Variants in RNF130 observed in about 807,000 individuals in gnomAD.
The protein encoded by RNF130 is ring finger protein 130.
A neutral mutation model predicts 44.6 loss-of-function variants in RNF130; 21 were observed. That is an observed-to-expected ratio of 0.47 (90% CI 0.33 to 0.68). The LOEUF (loss-of-function observed/expected upper bound fraction) is 0.68, where lower values mean the gene tolerates loss of function less well. RNF130 is among the 30% of genes least tolerant of loss of function. The probability of loss-of-function intolerance (pLI) is 0.02; values close to 1 mark genes in which losing one functional copy is unlikely to be tolerated. For synonymous variants in RNF130, 214 were observed against 210.4 expected, an observed-to-expected ratio of 1.02 and a Z score of -0.15; for missense variants, 479 against 560.6, an observed-to-expected ratio of 0.85 and a Z score of 1.47.
intron 3 of RNF130, among the ~76,000 whole-genome samples, chr5:179,989,361 A>C (rs1475167545): frequency 6.6e-6 from 1 of 152,116 alleles, no homozygotes; most frequent in Non-Finnish European, 1.5e-5. Flanking sequence ...GAATTTCCCA[A>C]CCATTATTGT....
chr5:179,961,655 T>C (rs1435919180), intron 8 of RNF130, among the ~76,000 whole-genome samples: 1 of 152,182 alleles, frequency 6.6e-6, no homozygotes, highest in African/African-American at 2.4e-5. Context: ...TTGTGAACTT[T>C]TTAAGAAGTA....
At chr5:180,056,661 T>C (rs1484054477) in intron 1 of RNF130, among the ~76,000 whole-genome samples, 1 of 152,234 alleles carries the variant, frequency 6.6e-6, no homozygotes, top group Non-Finnish European at 1.5e-5. Context: ...CTTCCTCTCT[T>C]AAGAGTGTCT....
chr5:180,029,834 C>T (rs927767461), intron 2 of RNF130, among the ~76,000 whole-genome samples: 3 of 146,316 alleles, frequency 2.1e-5, no homozygotes, highest in African/African-American at 7.6e-5. Flanking sequence ...GGTCACCATG[C>T]CTGGCCACTA....
intron 5 of RNF130, among the ~76,000 whole-genome samples, chr5:179,974,845 G>A (rs116709310): frequency 5.2e-4 from 79 of 152,382 alleles, no homozygotes; most frequent in African/African-American, 1.4e-3. Context: ...GCAGCGGCGC[G>A]GGGAGGAGCG....
chr5:179,934,321 A>T, intron 7 of RNF130: 1 of 154,904 alleles, frequency 6.5e-6, no homozygotes, highest in Admixed American at 6.4e-5. Context: ...GCAAATCTGA[A>T]ACTCTACACC....
At chr5:180,056,793 T>A (rs1292104047) in intron 1 of RNF130, among the ~76,000 whole-genome samples, 1 of 152,120 alleles carries the variant, frequency 6.6e-6, no homozygotes, top group Non-Finnish European at 1.5e-5. Context: ...CACAGGCCCA[T>A]GGACAGCAGA....
At chr5:179,934,975 G>C (rs1410705021) in intron 7 of RNF130, among the ~76,000 whole-genome samples, 2 of 152,050 alleles carry the variant, frequency 1.3e-5, no homozygotes, top group Non-Finnish European at 2.9e-5. Flanking sequence ...CTAGGCTTTC[G>C]AGATTTAAGG....
At chr5:179,918,185 T>G (rs1761580516) in exon 8 of RNF130, 1 of 152,188 alleles carries the variant, frequency 6.6e-6, no homozygotes, top group East Asian at 1.9e-4. Flanking sequence ...CACAGCACTG[T>G]TCTGAGTACG....
At chr5:179,963,432 C>A in intron 8 of RNF130, 39 bp downstream of exon 8, 1 of 1,491,822 alleles carries the variant, frequency 6.7e-7, no homozygotes, top group Non-Finnish European at 9.3e-7. Flanking sequence ...TTCCTGGGAT[C>A]ATCTGGCACA....
intron 1 of RNF130, among the ~76,000 whole-genome samples, chr5:180,047,219 T>C (rs62405022): frequency 0.15 from 23,183 of 152,242 alleles, 1,954 homozygotes; most frequent in Non-Finnish European, 0.19. Context: ...TTTCCTTATT[T>C]TCCTTTGTCA....
At position 179,998,873 on chromosome 5, in the gene RNF130, ATATATATATATGTTT is replaced by A. The variant is rs1338864552; in HGVS notation, c.693+14173_693+14187del. ...TCTAGTATTTTTTATATATATATAT[ATATATATATATGTTT>A]TATATATCTGAGTGCTCCAGTGTTG... is the stretch of plus-strand genomic sequence containing the variant. On this transcript the variant is annotated intron_variant, in intron 3 of 8. Coordinates refer to ENST00000521389, the MANE Select transcript of RNF130 (RefSeq NM_018434.6). 6.2e-5 allele frequency among the ~76,000 whole-genome samples: 8 copies of A among 128,766 alleles called. 1 individual carries two copies. Among genetic ancestry groups the A allele is most frequent in the East Asian group, 4.4e-4 (2 of 4,502 alleles). 84.5% of individuals were successfully genotyped at this position (128,766 alleles called of 152,430 possible).
chr5:179,928,651 C>T (rs561302434), intron 7 of RNF130, among the ~76,000 whole-genome samples: 49 of 145,242 alleles, frequency 3.4e-4, no homozygotes, highest in African/African-American at 1.1e-3. Flanking sequence ...TTTTTTGAGA[C>T]GGAGTCTCGC....
At chr5:179,983,010 T>C (rs10479553) in intron 3 of RNF130, among the ~76,000 whole-genome samples, 191 of 152,350 alleles carry the variant, frequency 1.3e-3, no homozygotes, top group African/African-American at 4.3e-3. Flanking sequence ...TATGTGTACA[T>C]TGTCTGTGGT....
chr5:179,941,306 C>G (rs1197195523), intron 7 of RNF130, among the ~76,000 whole-genome samples: 4 of 152,168 alleles, frequency 2.6e-5, no homozygotes, highest in Non-Finnish European at 5.9e-5. Flanking sequence ...TTCCCATTGC[C>G]TCTGGAAGTG....
chr5:180,019,992 G>A (rs950241678), intron 2 of RNF130, among the ~76,000 whole-genome samples: 1 of 152,162 alleles, frequency 6.6e-6, no homozygotes, highest in Admixed American at 6.5e-5. Flanking sequence ...GAAGCCAGGA[G>A]GGAAACTGGG....
At chr5:180,042,084 A>G (rs1007292497) in intron 1 of RNF130, among the ~76,000 whole-genome samples, 1 of 152,202 alleles carries the variant, frequency 6.6e-6, no homozygotes, top group Non-Finnish European at 1.5e-5. Context: ...TGTAGTAGAT[A>G]AAGAGATGAC....
intron 2 of RNF130, among the ~76,000 whole-genome samples, chr5:180,013,807 T>C (rs1763651501): frequency 6.6e-6 from 1 of 152,182 alleles, no homozygotes; most frequent in African/African-American, 2.4e-5. Flanking sequence ...ATTCATGGAG[T>C]ACCCACTGTC....
chr5:180,065,775 A>C (rs1765092558), intron 1 of RNF130, among the ~76,000 whole-genome samples: 1 of 150,532 alleles, frequency 6.6e-6, no homozygotes, highest in Admixed American at 6.6e-5. Context: ...AAAAAAAACA[A>C]CTATGTAAAG....
intron 1 of RNF130, among the ~76,000 whole-genome samples, chr5:180,060,393 G>C (rs1764944591): frequency 6.6e-6 from 1 of 152,188 alleles, no homozygotes; most frequent in Non-Finnish European, 1.5e-5. Context: ...GAGTATCCTT[G>C]TTTTTTCCAG....
Sources: allele counts gnomAD v4.1 joint callset (sites outside exome capture counted in the v4.1 genomes callset), GRCh38; gene constraint gnomAD v4.1.1; transcripts MANE v1.5; gene names NCBI Gene and HGNC (gene_info 2026-07-23, HGNC 2026-07-21).